The following CDC42EP4 variants were observed in gnomAD, a reference collection of about 807,000 sequenced individuals.
CDC42EP4 encodes CDC42 effector protein 4.
CDC42EP4 carries 6 observed loss-of-function variants against 5.6 expected under a neutral mutation model. The observed-to-expected ratio is 1.07, with a 90% CI of 0.59 to 2.12. The LOEUF (loss-of-function observed/expected upper bound fraction) is 2.12. Ranked by LOEUF, CDC42EP4 falls within the 30% of genes most tolerant of loss-of-function variation. CDC42EP4 has a pLI of 0.00. For synonymous variants in CDC42EP4, 230 were observed against 224.2 expected (o/e 1.03, Z -0.23); for missense variants, 490 against 508.6 (o/e 0.96, Z 0.35).
At chr17:73,307,447 C>CTTTTTTTT (rs398031541) in intron 1 of CDC42EP4, 1 of 132,782 alleles carries the variant, frequency 7.5e-6, no homozygotes, top group African/African-American at 2.8e-5. Context: ...TTCTTTCTTT[C>CTTTTTTTT]TTTTTTTTTT....
intron 1 of CDC42EP4, among the ~76,000 whole-genome samples, chr17:73,305,387 G>A (rs762692076): frequency 3.3e-5 from 5 of 152,212 alleles, no homozygotes; most frequent in Non-Finnish European, 5.9e-5. Flanking sequence ...GGGAGTGATC[G>A]CAGAGGAAAG....
intron 1 of CDC42EP4, among the ~76,000 whole-genome samples, chr17:73,289,891 GAA>G (rs2145309594): frequency 1.3e-5 from 2 of 151,844 alleles, no homozygotes; most frequent in South Asian, 2.1e-4. Context: ...AGGAAGGAAA[GAA>G]AGAGAAAAAG....
chr17:73,285,828 T>C lies in CDC42EP4; in HGVS notation c.673A>G (p.Met225Val). 2 of 1,612,804 alleles carry C rather than the reference T, an allele frequency of 1.2e-6. No individual in the cohort carries two copies. The highest frequency in any genetic ancestry group is 1.7e-6 in the Non-Finnish European group (2 of 1,178,984). ...TCGGGGTCCCACTCCTCCTTGTCCA[T>C]GATGCTGAGGACGTCACCCAGCATG... Reference protein sequence around the residue: ...PSMLGDVLSIMDKEEWDPEEG... With the variant: ...PSMLGDVLSIVDKEEWDPEEG... Residue 225 changes from methionine (M) to valine (V), a missense_variant, in exon 2 of 2, where the codon ATG becomes GTG. Met to Val is a conservative substitution (Grantham distance 21). Transcript: ENST00000335793. This position sits in a 1 kb window ranked among gnomAD's most constrained non-coding sequence, Gnocchi z 6.8.
At chr17:73,305,140 A>T (rs2062238450) in intron 1 of CDC42EP4, among the ~76,000 whole-genome samples, 1 of 152,224 alleles carries the variant, frequency 6.6e-6, no homozygotes, top group Admixed American at 6.5e-5. Context: ...CGGAGGAGTC[A>T]AGACGAAGAG....
chr17:73,288,029 C>T lies in CDC42EP4; in HGVS notation c.-112-1417G>A, dbSNP rs569930283. 1.1e-3 allele frequency among the ~76,000 whole-genome samples: 167 copies of T among 152,280 alleles called. 1 individual carries two copies. The highest frequency in any genetic ancestry group is 3.2e-3 in the African/African-American group (135 of 41,548). ...CCCCTACTTTTGTACCCTGATCTAT[C>T]CCCTGAGCTGCAGTGGATACAAACA... On this transcript the variant is annotated intron_variant, in intron 1 of 1. Coordinates refer to ENST00000335793, the MANE Select transcript of CDC42EP4 (RefSeq NM_012121.5).
Sources: allele counts gnomAD v4.1 joint callset (sites outside exome capture counted in the v4.1 genomes callset), GRCh38; gene constraint gnomAD v4.1.1; non-coding constraint Gnocchi (gnomAD v3.1); transcripts MANE v1.5; gene names NCBI Gene and HGNC (gene_info 2026-07-23, HGNC 2026-07-21).